PTPN14: variants seen among roughly 807,000 people sequenced by gnomAD.
The protein encoded by PTPN14 is protein tyrosine phosphatase non-receptor type 14.
Under a neutral mutation model 126.8 loss-of-function variants are expected in PTPN14, and 53 were observed. The observed-to-expected ratio is 0.42, with a 90% CI of 0.34 to 0.53. The LOEUF (loss-of-function observed/expected upper bound fraction) is 0.53, where lower values mean the gene tolerates loss of function less well. Ranked by LOEUF, PTPN14 falls within the 20% of genes least tolerant of loss-of-function variation. The pLI is 0.08. For synonymous variants in PTPN14, 630 were observed against 599.3 expected (o/e 1.05, Z -0.75); for missense variants, 1,257 against 1,552.9 (o/e 0.81, Z 3.20).
chr1:214,433,943 CACACACACAAAAAAAAAAA>C (rs1426661800), intron 3 of PTPN14, among the ~76,000 whole-genome samples: 29 of 18,000 alleles, frequency 1.6e-3, no homozygotes, highest in African/African-American at 0.014. Flanking sequence ...CACACACACA[CACACACACAAAAAAAAAAA>C]AAAAAAAAAA....
chr1:214,433,188 C>T (rs1213626142), intron 3 of PTPN14, among the ~76,000 whole-genome samples: 1 of 152,088 alleles, frequency 6.6e-6, no homozygotes, highest in East Asian at 1.9e-4. Context: ...CAGGTGTGAG[C>T]CCGGCCTCAC....
intron 1 of PTPN14, among the ~76,000 whole-genome samples, chr1:214,523,587 T>C (rs553913589): frequency 2.0e-5 from 3 of 152,284 alleles, no homozygotes; most frequent in East Asian, 3.9e-4. Flanking sequence ...AACGACTAAA[T>C]TGCCTAATAA....
chr1:214,434,017 A>T (rs1302603630), intron 3 of PTPN14, among the ~76,000 whole-genome samples: 1 of 150,074 alleles, frequency 6.7e-6, no homozygotes, highest in Non-Finnish European at 1.5e-5. Flanking sequence ...CTGTGCTCCC[A>T]GTTACTTGGG....
intron 5 of PTPN14, among the ~76,000 whole-genome samples, chr1:214,406,163 C>T (rs746551386): frequency 1.3e-5 from 2 of 152,164 alleles, no homozygotes; most frequent in African/African-American, 4.8e-5. Flanking sequence ...AGCCTCTAGA[C>T]ACATGCGGCT....
At chr1:214,415,801 G>T (rs551645863) in intron 3 of PTPN14, among the ~76,000 whole-genome samples, 74 of 152,242 alleles carry the variant, frequency 4.9e-4, no homozygotes, top group Non-Finnish European at 8.2e-4. Context: ...TACTAAACAG[G>T]ATAAAGACAG....
intron 6 of PTPN14, among the ~76,000 whole-genome samples, chr1:214,402,389 G>A (rs1337381957): frequency 5.2e-4 from 68 of 131,080 alleles, no homozygotes; most frequent in Middle Eastern, 5.0e-3. Flanking sequence ...GCAGTGGACC[G>A]AGATCGCACC....
chr1:214,402,297 G>A (rs1659037628), intron 6 of PTPN14, among the ~76,000 whole-genome samples: 1 of 151,698 alleles, frequency 6.6e-6, no homozygotes, highest in East Asian at 2.0e-4. Context: ...AATTAGCTGG[G>A]TGTGGTGGTG....
At chr1:214,369,315 A>C in intron 17 of PTPN14, 142 bp downstream of exon 17, 1 of 729,460 alleles carries the variant, frequency 1.4e-6, no homozygotes, top group Non-Finnish European at 2.3e-6. Context: ...CATAGTAAGA[A>C]AGGAATATAT....
intron 1 of PTPN14, among the ~76,000 whole-genome samples, chr1:214,511,468 T>C (rs1654971571): frequency 6.8e-6 from 1 of 147,664 alleles, no homozygotes; most frequent in Admixed American, 6.9e-5. Context: ...AGGTATCACC[T>C]CACAGGATGG....
rs976184185 is a variant in PTPN14 at position 214,514,591 on chromosome 1, C to A, written c.-155+36592G>T. On this transcript the variant is annotated intron_variant, in intron 1 of 18. Transcript: ENST00000366956. ...ATTCCCTGAGCCTGGGGTCCCCCCT[C>A]GATGGTGCTGGTGCCTGAGTTTTAA... Among the ~76,000 whole-genome samples the A allele has an allele frequency of 2.6e-5, 4 of 151,992 alleles. No homozygotes were observed. In the South Asian group the frequency reaches 8.3e-4, roughly 32 times the overall value.
chr1:214,487,433 C>T (rs1180156270), intron 1 of PTPN14, among the ~76,000 whole-genome samples: 1 of 152,150 alleles, frequency 6.6e-6, no homozygotes, highest in East Asian at 1.9e-4. Flanking sequence ...CGAGACCAGC[C>T]TGGCCAACAC....
At chr1:214,499,445 A>G (rs539850361) in intron 1 of PTPN14, among the ~76,000 whole-genome samples, 8 of 152,296 alleles carry the variant, frequency 5.3e-5, no homozygotes, top group Middle Eastern at 6.8e-3. Flanking sequence ...ATAACTATCA[A>G]CTATTGGCCT....
chr1:214,452,918 A>G (rs1168689188), intron 2 of PTPN14, among the ~76,000 whole-genome samples: 2 of 152,140 alleles, frequency 1.3e-5, no homozygotes, highest in Non-Finnish European at 2.9e-5. Context: ...ACAATGTTCA[A>G]TTTCCAAAGG....
chr1:214,371,235 CTCTT>C (rs937684074), intron 16 of PTPN14, among the ~76,000 whole-genome samples: 10 of 152,136 alleles, frequency 6.6e-5, no homozygotes, highest in Admixed American at 2.6e-4. Context: ...CCCAGTCACT[CTCTT>C]TCTTAACCCT....
intron 18 of PTPN14, among the ~76,000 whole-genome samples, chr1:214,359,425 T>C (rs956782830): frequency 1.3e-5 from 2 of 150,758 alleles, no homozygotes; most frequent in Admixed American, 1.3e-4. Flanking sequence ...GGTTTCAGCA[T>C]GGTGGTCAGG....
chr1:214,480,455 G>A (rs780833334), intron 1 of PTPN14, among the ~76,000 whole-genome samples: 1 of 152,164 alleles, frequency 6.6e-6, no homozygotes, highest in African/African-American at 2.4e-5. Context: ...TAGTAAAGGA[G>A]AATATTGATC....
chr1:214,387,015 G>A (rs573741283), intron 11 of PTPN14, 93 bp from the exon 12 acceptor site: 14 of 1,182,994 alleles, frequency 1.2e-5, no homozygotes, highest in East Asian at 1.0e-4. Context: ...GTCCCGCCAC[G>A]TTGTAAGGGA....
At chr1:214,483,099 A>G (rs1661034006) in intron 1 of PTPN14, 1 of 714,194 alleles carries the variant, frequency 1.4e-6, no homozygotes, top group Non-Finnish European at 2.2e-6. Flanking sequence ...CATTTGTCTA[A>G]TGTTTCCACA....
intron 1 of PTPN14, among the ~76,000 whole-genome samples, chr1:214,470,907 C>A (rs978837213): frequency 5.3e-5 from 8 of 151,022 alleles, no homozygotes; most frequent in African/African-American, 1.9e-4. Context: ...TGCCTGTAAT[C>A]CCAGCTACTC....
Sources: gnomAD v4.1 joint callset for allele counts (sites outside exome capture counted in the v4.1 genomes callset) on GRCh38, gnomAD v4.1.1 for gene constraint, MANE v1.5 for transcripts, NCBI Gene and HGNC (gene_info 2026-07-23, HGNC 2026-07-21) for gene names.